PVT1: variants seen among roughly 807,000 people sequenced by gnomAD.
The protein encoded by PVT1 is Pvt1 oncogene, also known as CXCR4/PVT1 fusion.
intron 2 of PVT1, among the ~76,000 whole-genome samples, chr8:127,857,647 C>G (rs1815176037): frequency 6.6e-6 from 1 of 152,176 alleles, no homozygotes; most frequent in Non-Finnish European, 1.5e-5. Flanking sequence ...CACCACTGCA[C>G]TCAGTCTAGG....
intron 3 of PVT1, among the ~76,000 whole-genome samples, chr8:127,967,653 C>T (rs903857389): frequency 6.6e-6 from 1 of 152,230 alleles, no homozygotes; most frequent in East Asian, 1.9e-4. Flanking sequence ...TACTTTGAGC[C>T]ATCTCCTGAA....
chr8:127,888,894 G>A (rs2129799368), intron 2 of PVT1, among the ~76,000 whole-genome samples: 1 of 152,228 alleles, frequency 6.6e-6, no homozygotes, highest in Middle Eastern at 3.4e-3. Flanking sequence ...TTCTTTTTCT[G>A]TTTTAAACCA....
intron 4 of PVT1, among the ~76,000 whole-genome samples, chr8:127,997,204 G>T (rs1817117358): frequency 6.6e-6 from 1 of 151,850 alleles, no homozygotes; most frequent in South Asian, 2.1e-4. Flanking sequence ...ACCACGTCCG[G>T]CTAATTTTGT....
chr8:128,049,072 G>A, intron 4 of PVT1: 1 of 487,206 alleles, frequency 2.1e-6, no homozygotes, highest in Admixed American at 2.5e-5. Context: ...TACCCAGCAA[G>A]GGATGACATT....
intron 2 of PVT1, among the ~76,000 whole-genome samples, chr8:127,801,388 C>T (rs1431927296): frequency 3.3e-5 from 5 of 151,932 alleles, no homozygotes; most frequent in Admixed American, 1.3e-4. Flanking sequence ...ATTACAGGTG[C>T]GTGCCACCAC....
At chr8:127,798,252 C>T (rs1432143413) in intron 2 of PVT1, among the ~76,000 whole-genome samples, 5 of 150,640 alleles carry the variant, frequency 3.3e-5, no homozygotes, top group East Asian at 2.0e-4. Flanking sequence ...TGCCGGGAGC[C>T]GAGATCGCAC....
In PVT1 at chr8:128,075,134, CT is replaced by C. The variant is rs200722335; in HGVS notation, n.1114+4782del. Reference sequence around the variant, plus strand: ...TTTTGCAAACTGTTGTCATAATACTCTTTTTTTTTCAAGATGGCAGGCCTTG... The same window carrying C: ...TTTTGCAAACTGTTGTCATAATACTCTTTTTTTTCAAGATGGCAGGCCTTG... On this transcript the variant is annotated intron_variant and non_coding_transcript_variant, in intron 5 of 10. Coordinates refer to ENST00000651587, the Ensembl canonical transcript of PVT1. Among the ~76,000 whole-genome samples the C allele has an allele frequency of 4.4e-4, 66 of 151,470 alleles. No individual in the cohort carries two copies. In the South Asian group the frequency reaches 0.011, roughly 25 times the overall value.
intron 3 of PVT1, among the ~76,000 whole-genome samples, chr8:127,966,185 T>A (rs62512810): frequency 0.044 from 6,672 of 152,328 alleles, 218 homozygotes; most frequent in Non-Finnish European, 0.069. Context: ...ACGTTAATAG[T>A]ACAGTGTTGT....
In PVT1 at chr8:127,817,190, C is replaced by T. The variant is rs191280525; in HGVS notation, n.372+21119C>T. Reference sequence around the variant, plus strand: ...CAAGTAGTTCACCTTCAGCAATCATCTCAAAAGAAATGCTCTTGGTGTGAT... The same window carrying T: ...CAAGTAGTTCACCTTCAGCAATCATTTCAAAAGAAATGCTCTTGGTGTGAT... On this transcript the variant is annotated intron_variant and non_coding_transcript_variant, in intron 2 of 10. Coordinates refer to ENST00000651587, the Ensembl canonical transcript of PVT1. Among the ~76,000 whole-genome samples, 127 of 151,956 alleles carry T rather than the reference C, an allele frequency of 8.4e-4. 1 individual carries two copies. Among genetic ancestry groups the T allele is most frequent in the African/African-American group, 3.0e-3 (123 of 41,422 alleles).
chr8:127,857,164 T>C (rs1326297338), intron 2 of PVT1, among the ~76,000 whole-genome samples: 24 of 152,096 alleles, frequency 1.6e-4, no homozygotes, highest in Admixed American at 1.6e-3. Flanking sequence ...AGGAAGAAGT[T>C]GCAGTGAGCC....
In PVT1 at chr8:127,823,856, G is replaced by A. The variant is rs138237051; in HGVS notation, n.372+27785G>A. Among the ~76,000 whole-genome samples the A allele has an allele frequency of 3.8e-3, 575 of 152,334 alleles. 3 individuals are homozygous for A. The highest frequency in any genetic ancestry group is 0.013 in the African/African-American group (551 of 41,580). On this transcript the variant is annotated intron_variant and non_coding_transcript_variant, in intron 2 of 10. Transcript: ENST00000651587. ...TCGGCTTTGATCACATGTCCTTTGT[G>A]TTCAGCTCTCTCTTTGCCCTCAGCT...
chr8:127,824,072 G>A (rs1814761393), intron 2 of PVT1, among the ~76,000 whole-genome samples: 1 of 152,084 alleles, frequency 6.6e-6, no homozygotes, highest in Admixed American at 6.6e-5. Flanking sequence ...GTGCGCCTGT[G>A]GTCCTAGCTG....
At chr8:127,884,999 A>G (rs1815507856) in intron 2 of PVT1, among the ~76,000 whole-genome samples, 1 of 152,206 alleles carries the variant, frequency 6.6e-6, no homozygotes, top group Non-Finnish European at 1.5e-5. Context: ...GTAAATATTC[A>G]ACAGACTGTG....
intron 3 of PVT1, chr8:127,932,821 T>C (rs1816225072): frequency 7.5e-6 from 2 of 266,096 alleles, no homozygotes; most frequent in African/African-American, 2.2e-5. Context: ...CACACGTACA[T>C]GCATGTATAT....
At chr8:128,083,709 T>C (rs2648890) in intron 5 of PVT1, among the ~76,000 whole-genome samples, 44,920 of 152,076 alleles carry the variant, frequency 0.3, 7,311 homozygotes, top group East Asian at 0.46. Context: ...TCATACCTTT[T>C]TTGCCAGAGA....
At chr8:127,945,373 A>G (rs1048891027) in intron 3 of PVT1, among the ~76,000 whole-genome samples, 3 of 152,158 alleles carry the variant, frequency 2.0e-5, no homozygotes, top group Admixed American at 6.5e-5. Flanking sequence ...GCCCTCCAGA[A>G]CAATCATGCC....
At chr8:127,872,159 A>G (rs560496239) in intron 2 of PVT1, among the ~76,000 whole-genome samples, 2 of 152,280 alleles carry the variant, frequency 1.3e-5, no homozygotes, top group South Asian at 2.1e-4. Context: ...TCATGCCTGT[A>G]ATCCCAGCAC....
At chr8:127,881,109 C>G (rs1815462181) in intron 2 of PVT1, among the ~76,000 whole-genome samples, 2 of 152,192 alleles carry the variant, frequency 1.3e-5, no homozygotes, top group Non-Finnish European at 2.9e-5. Context: ...CTTGCCTCCT[C>G]CTTGTGGAGA....
intron 4 of PVT1, among the ~76,000 whole-genome samples, chr8:128,026,508 C>T (rs1057385251): frequency 6.6e-6 from 1 of 152,076 alleles, no homozygotes. Context: ...TATCTTTCCC[C>T]AAGCCCCACG....
Sources: allele counts gnomAD v4.1 joint callset (sites outside exome capture counted in the v4.1 genomes callset), GRCh38; gene constraint gnomAD v4.1.1; transcripts MANE v1.5; gene names NCBI Gene and HGNC (gene_info 2026-07-23, HGNC 2026-07-21).